Variants in ABTB3 observed in about 807,000 individuals in gnomAD.
ABTB3 encodes the protein ankyrin repeat and BTB domain containing 3.
chr12:107,636,002 G>A, the ABTB3 span, among the ~76,000 whole-genome samples: 400 of 152,142 alleles, frequency 2.6e-3, 2 homozygotes, highest in Non-Finnish European at 1.6e-3. Flanking sequence ...GCACTGTGCC[G>A]GCTCCAGCCA....
the ABTB3 span, among the ~76,000 whole-genome samples, chr12:107,527,765 C>G: frequency 6.6e-6 from 1 of 152,192 alleles, no homozygotes; most frequent in African/African-American, 2.4e-5. Context: ...AAAAATCTCT[C>G]ATTACCCTGT....
the ABTB3 span, among the ~76,000 whole-genome samples, chr12:107,401,670 T>G: frequency 6.6e-6 from 1 of 152,208 alleles, no homozygotes; most frequent in South Asian, 2.1e-4. Context: ...TGATTATCAG[T>G]GGTTGCCTCT....
the ABTB3 span, among the ~76,000 whole-genome samples, chr12:107,573,361 T>C: frequency 1.3e-5 from 2 of 152,062 alleles, no homozygotes; most frequent in South Asian, 2.1e-4. Flanking sequence ...ACAGAACCCA[T>C]AGGATGTGTG....
chr12:107,568,940 C>T, the ABTB3 span, among the ~76,000 whole-genome samples: 1 of 152,106 alleles, frequency 6.6e-6, no homozygotes, highest in Admixed American at 6.6e-5. Context: ...CACAGGAGGC[C>T]CAGGGAATCA....
chr12:107,319,524 G>A, the ABTB3 span: 1 of 1,565,148 alleles, frequency 6.4e-7, no homozygotes. Context: ...AGCAGCGCCG[G>A]CGGCGACCGC....
the ABTB3 span, among the ~76,000 whole-genome samples, chr12:107,607,355 G>A: frequency 6.6e-6 from 1 of 152,214 alleles, no homozygotes; most frequent in African/African-American, 2.4e-5. Flanking sequence ...GGTCTCGGAT[G>A]CTGATGCCAT....
chr12:107,429,726 G>A, the ABTB3 span, among the ~76,000 whole-genome samples: 1 of 152,320 alleles, frequency 6.6e-6, no homozygotes, highest in Non-Finnish European at 1.5e-5. Flanking sequence ...TTAATTCACA[G>A]ATATGCATGG....
the ABTB3 span, among the ~76,000 whole-genome samples, chr12:107,535,866 C>T: frequency 6.6e-6 from 1 of 151,988 alleles, no homozygotes; most frequent in South Asian, 2.1e-4. Context: ...CTTATCAAAA[C>T]ACCAATGACA....
the ABTB3 span, among the ~76,000 whole-genome samples, chr12:107,506,987 A>T: frequency 3.3e-5 from 5 of 152,214 alleles, no homozygotes; most frequent in Non-Finnish European, 7.3e-5. Context: ...TTGAAGTTTT[A>T]AAAACAGGCA....
the ABTB3 span, among the ~76,000 whole-genome samples, chr12:107,563,287 T>C: frequency 6.6e-6 from 1 of 152,222 alleles, no homozygotes; most frequent in Admixed American, 6.5e-5. Flanking sequence ...CAGAACTCAA[T>C]TGTACATTCA....
At chr12:107,621,764 G>A in the ABTB3 span, among the ~76,000 whole-genome samples, 1 of 152,116 alleles carries the variant, frequency 6.6e-6, no homozygotes, top group African/African-American at 2.4e-5. Flanking sequence ...CCACTCTCCC[G>A]ACATCTAACA....
chr12:107,572,567 C>T, the ABTB3 span, among the ~76,000 whole-genome samples: 11 of 152,236 alleles, frequency 7.2e-5, no homozygotes, highest in Middle Eastern at 3.4e-3. Context: ...TCCAGGAGGA[C>T]CATGAATTCT....
chr12:107,435,234 A>G, the ABTB3 span, among the ~76,000 whole-genome samples: 1 of 152,188 alleles, frequency 6.6e-6, no homozygotes, highest in Admixed American at 6.5e-5. Flanking sequence ...CGTACCCACC[A>G]TTTCTCTTGC....
the ABTB3 span, among the ~76,000 whole-genome samples, chr12:107,577,739 G>A: frequency 6.6e-6 from 1 of 152,078 alleles, no homozygotes; most frequent in Non-Finnish European, 1.5e-5. Flanking sequence ...CGTGGTTGGG[G>A]ATTAACAAAC....
chr12:107,498,304 T>C, the ABTB3 span, among the ~76,000 whole-genome samples: 1 of 152,200 alleles, frequency 6.6e-6, no homozygotes, highest in Admixed American at 6.5e-5. Flanking sequence ...TGAAATTAGA[T>C]GTCTGGACTT....
the ABTB3 span, among the ~76,000 whole-genome samples, chr12:107,452,202 A>ATTTTTTTTTTTTTTT: frequency 9.1e-6 from 1 of 110,208 alleles, no homozygotes; most frequent in Admixed American, 1.2e-4. Flanking sequence ...GCCCATATGA[A>ATTTTTTTTTTTTTTT]TTTTTTTTTT....
chr12:107,319,865 G>T, the ABTB3 span: 1 of 1,226,688 alleles, frequency 8.2e-7, no homozygotes, highest in Middle Eastern at 3.0e-4. Flanking sequence ...CAGCGCCAGC[G>T]GGGGCAGCAG....
chr12:107,520,590 C>T, the ABTB3 span: 41 of 1,614,102 alleles, frequency 2.5e-5, no homozygotes, highest in East Asian at 4.5e-5. Flanking sequence ...TGAGGACCAT[C>T]GAGCAGTCTT....
the ABTB3 span, among the ~76,000 whole-genome samples, chr12:107,522,596 A>G: frequency 6.6e-6 from 1 of 151,540 alleles, no homozygotes; most frequent in South Asian, 2.1e-4. Context: ...TCCCTACTAT[A>G]TAGAATATAG....
Sources: gnomAD v4.1 joint callset for allele counts (sites outside exome capture counted in the v4.1 genomes callset) on GRCh38, gnomAD v4.1.1 for gene constraint, MANE v1.5 for transcripts, NCBI Gene and HGNC (gene_info 2026-07-23, HGNC 2026-07-21) for gene names.